PCDH15: variants seen among roughly 807,000 people sequenced by gnomAD.
The protein encoded by PCDH15 is protocadherin related 15.
Under a neutral mutation model 178.5 loss-of-function variants are expected in PCDH15, and 129 were observed. The ratio of observed to expected loss-of-function variants is 0.72; its 90% CI spans 0.63 to 0.84. The LOEUF is 0.84. Among genes scored for constraint, PCDH15 ranks in the 40% least tolerant of loss-of-function variants. The pLI, the probability that PCDH15 is intolerant of heterozygous loss-of-function variation, is 0.00. For synonymous variants in PCDH15, 800 were observed against 732.0 expected, an observed-to-expected ratio of 1.09 and a Z score of -1.50; for missense variants, 2,230 against 2,099.9, an observed-to-expected ratio of 1.06 and a Z score of -1.21.
intron 3 of PCDH15, among the ~76,000 whole-genome samples, chr10:54,821,157 C>CTAAT (rs1953032126): frequency 6.6e-6 from 1 of 151,924 alleles, no homozygotes; most frequent in Non-Finnish European, 1.5e-5. Context: ...ATGACACATA[C>CTAAT]GTCTTTTTCA....
Position 54,329,645 on chromosome 10 carries a change from C to T in PCDH15, c.656G>A (p.Arg219Lys), listed in dbSNP as rs757548355. ...GCGAGTCTTATCTTCATAGTTGAGC[C>T]TCTTCCTTAACACTATATTTCCAGT... ...MLTGNIVLRKRLNYEDKTRYF... is the reference protein window; with the variant it reads ...MLTGNIVLRKKLNYEDKTRYF... Residue 219 changes from arginine (R) to lysine (K), a missense_variant, in exon 7 of 38, where the codon AGG becomes AAG. By Grantham distance (26) the Arg-to-Lys change is conservative. Coordinates refer to ENST00000644397, the MANE Select transcript of PCDH15 (RefSeq NM_001384140.1). 1.2e-6 allele frequency: 2 copies of T among 1,609,614 alleles called. No individual in the cohort carries two copies. The highest frequency in any genetic ancestry group is 3.3e-5 in the Admixed American group (2 of 59,910).
intron 1 of PCDH15, among the ~76,000 whole-genome samples, chr10:54,728,696 C>A (rs1010361420): frequency 1.3e-5 from 2 of 151,360 alleles, no homozygotes; most frequent in African/African-American, 4.8e-5. Flanking sequence ...AGTCCCTGCC[C>A]AAACACTCCT....
At chr10:54,362,102 A>G (rs917748981) in intron 5 of PCDH15, among the ~76,000 whole-genome samples, 4 of 152,118 alleles carry the variant, frequency 2.6e-5, no homozygotes. Context: ...AACACTTAGA[A>G]TTTGCTTGGC....
At chr10:54,176,103 A>G (rs1313368556) in intron 13 of PCDH15, among the ~76,000 whole-genome samples, 4 of 152,314 alleles carry the variant, frequency 2.6e-5, no homozygotes, top group African/African-American at 9.6e-5. Context: ...CAAATAGAAC[A>G]TATATCTAAA....
At chr10:55,206,499 T>G (rs955251744) in intron 1 of PCDH15, among the ~76,000 whole-genome samples, 12 of 152,118 alleles carry the variant, frequency 7.9e-5, no homozygotes, top group Admixed American at 3.3e-4. Context: ...CTTTAGTTAG[T>G]TACTTAACTT....
intron 2 of PCDH15, among the ~76,000 whole-genome samples, chr10:54,584,432 C>T (rs1271611170): frequency 1.3e-5 from 2 of 152,018 alleles, no homozygotes; most frequent in African/African-American, 2.4e-5. Flanking sequence ...TTCTATTAAA[C>T]AGGTCACAAA....
At chr10:55,562,331 C>A (rs1039630834) in intron 2 of PCDH15, among the ~76,000 whole-genome samples, 1 of 151,764 alleles carries the variant, frequency 6.6e-6, no homozygotes, top group African/African-American at 2.4e-5. Flanking sequence ...AGGATGAATT[C>A]AATTAGTTTT....
chr10:55,316,316 T>C (rs572876792), intron 1 of PCDH15, among the ~76,000 whole-genome samples: 71 of 152,276 alleles, frequency 4.7e-4, no homozygotes, highest in African/African-American at 1.5e-3. Context: ...ATTCACAACC[T>C]AGATTAATAA....
chr10:55,565,715 G>T (rs1480519921), intron 2 of PCDH15, among the ~76,000 whole-genome samples: 1 of 151,542 alleles, frequency 6.6e-6, no homozygotes, highest in Admixed American at 6.6e-5. Context: ...ATGAAAACTT[G>T]TATGCCTAGA....
chr10:54,146,530 A>T (rs967472185), intron 14 of PCDH15, among the ~76,000 whole-genome samples: 1 of 151,840 alleles, frequency 6.6e-6, no homozygotes, highest in Non-Finnish European at 1.5e-5. Context: ...TCCCAAAATA[A>T]CTTAAGTGTT....
At chr10:54,518,495 C>T (rs1424482680) in intron 3 of PCDH15, among the ~76,000 whole-genome samples, 1 of 152,026 alleles carries the variant, frequency 6.6e-6, no homozygotes, top group African/African-American at 2.4e-5. Context: ...CATACACCCC[C>T]CCAAGACTAA....
Position 54,577,249 on chromosome 10 carries a change from A to ATTT in PCDH15, c.92-49375_92-49373dup, listed in dbSNP as rs10699732. 4.9e-4 allele frequency among the ~76,000 whole-genome samples: 70 copies of ATTT among 141,718 alleles called. 1 individual carries two copies. The highest frequency in any genetic ancestry group is 1.9e-3 in the East Asian group (9 of 4,736). The allele number at this position is 141,718 out of a possible 152,430, so 93.0% of individuals were successfully genotyped here. A position where few individuals can be genotyped will look rare whatever the true frequency, so the allele number is the denominator to read the frequency against. On this transcript the variant is annotated intron_variant, in intron 2 of 37. Coordinates refer to ENST00000644397, the MANE Select transcript of PCDH15 (RefSeq NM_001384140.1). The stretch of plus-strand genomic sequence containing the variant: ...AGGCGTGCACCACCACGCCCAGCTA[A>ATTT]TTTTTTTTTTTTTTTGTAATTTTTA...
intron 3 of PCDH15, among the ~76,000 whole-genome samples, chr10:54,839,943 A>G (rs1420557459): frequency 6.6e-6 from 1 of 152,124 alleles, no homozygotes; most frequent in Non-Finnish European, 1.5e-5. Context: ...AAAGGAAGAT[A>G]AAAACATCCT....
At chr10:55,536,414 T>C (rs889346503) in intron 2 of PCDH15, among the ~76,000 whole-genome samples, 2 of 152,114 alleles carry the variant, frequency 1.3e-5, no homozygotes, top group African/African-American at 4.8e-5. Context: ...TCTTTCAATA[T>C]GTATTTGAAA....
chr10:53,849,958 G>T lies in PCDH15; in HGVS notation c.3806+7217C>A, dbSNP rs573049726. Among the ~76,000 whole-genome samples the T allele has an allele frequency of 3.1e-3, 461 of 150,540 alleles. 1 individual carries two copies. Among genetic ancestry groups the T allele is most frequent in the Non-Finnish European group, 3.4e-3 (227 of 67,742 alleles). Reference sequence around the variant, plus strand: ...TAAAAAAAAGCTTACCTTAATATACGTGAAATATATTATCAGAGACAAAAC... The same window carrying T: ...TAAAAAAAAGCTTACCTTAATATACTTGAAATATATTATCAGAGACAAAAC... On this transcript the variant is annotated intron_variant, in intron 28 of 37. Transcript: ENST00000644397.
In PCDH15 at chr10:54,501,370, C is replaced by T. The variant is rs547889525; in HGVS notation, c.157+26442G>A. On this transcript the variant is annotated intron_variant, in intron 3 of 37. Coordinates refer to ENST00000644397, the MANE Select transcript of PCDH15 (RefSeq NM_001384140.1). The stretch of plus-strand genomic sequence containing the variant: ...AATAAAAAAAAGATGATATTCAGAA[C>T]AGACTAAATTATCTCTCTAATTTGG... Among the ~76,000 whole-genome samples the T allele has an allele frequency of 2.6e-5, 4 of 151,990 alleles. No individual in the cohort carries two copies. The South Asian group carries it at 8.3e-4, about 32-fold the overall frequency.
At chr10:54,965,386 T>C (rs979199420) in intron 2 of PCDH15, among the ~76,000 whole-genome samples, 1 of 152,010 alleles carries the variant, frequency 6.6e-6, no homozygotes, top group African/African-American at 2.4e-5. Flanking sequence ...GATCTGATGG[T>C]TTTATAAAGG....
At chr10:55,147,187 T>C (rs1481527231) in intron 2 of PCDH15, among the ~76,000 whole-genome samples, 5 of 151,530 alleles carry the variant, frequency 3.3e-5, no homozygotes, top group African/African-American at 1.2e-4. Flanking sequence ...GTCTAGACTT[T>C]TAAAATCACC....
rs1564505646 is a variant in PCDH15 at position 53,806,400 on chromosome 10, G to A, written c.*179C>T. ...TCCAAAAGGATTTTCTGGGAAAAAC[G>A]ATTAATTGATAACAATGTGAGTGCA... On this transcript the variant is annotated 3_prime_UTR_variant, in exon 38 of 38. Coordinates refer to ENST00000644397, the MANE Select transcript of PCDH15 (RefSeq NM_001384140.1). 10 of 557,534 alleles carry A rather than the reference G, an allele frequency of 1.8e-5. No homozygotes were observed. The East Asian group carries it at 2.1e-4, about 11-fold the overall frequency. 34.5% of individuals were successfully genotyped at this position (557,534 alleles called of 1,614,324 possible).
Sources: gnomAD v4.1 joint callset for allele counts (sites outside exome capture counted in the v4.1 genomes callset) on GRCh38, gnomAD v4.1.1 for gene constraint, MANE v1.5 for transcripts, NCBI Gene and HGNC (gene_info 2026-07-23, HGNC 2026-07-21) for gene names.